Variants in SETDB2 observed in about 807,000 individuals in gnomAD.
The protein encoded by SETDB2 is histone-lysine N-methyltransferase SETDB2.
Under a neutral mutation model 82.5 loss-of-function variants are expected in SETDB2, and 56 were observed. The ratio of observed to expected loss-of-function variants is 0.68; its 90% CI spans 0.55 to 0.85. The LOEUF (loss-of-function observed/expected upper bound fraction) is 0.85, where lower values mean the gene tolerates loss of function less well. SETDB2 is among the 40% of genes least tolerant of loss of function. The pLI is 0.00. For synonymous variants in SETDB2, 272 were observed against 284.9 expected, an observed-to-expected ratio of 0.95 and a Z score of 0.46; for missense variants, 677 against 816.4, an observed-to-expected ratio of 0.83 and a Z score of 2.08.
intron 4 of SETDB2, among the ~76,000 whole-genome samples, chr13:49,465,938 G>A (rs1214060232): frequency 2.0e-5 from 3 of 152,144 alleles, no homozygotes; most frequent in Non-Finnish European, 4.4e-5. Flanking sequence ...CTTCTGGTGT[G>A]GGAGAAATGA....
At chr13:49,485,586 T>C (rs1594178204) in intron 10 of SETDB2, 44 bp from the exon 11 acceptor site, 1 of 1,508,324 alleles carries the variant, frequency 6.6e-7, no homozygotes, top group Non-Finnish European at 9.2e-7. Flanking sequence ...CTAAATACTT[T>C]TGCCTGACCT....
At chr13:49,481,141 T>G in intron 8 of SETDB2, 25 bp downstream of exon 8, 1 of 1,604,910 alleles carries the variant, frequency 6.2e-7, no homozygotes, top group Non-Finnish European at 8.5e-7. Context: ...TATTTTCAAA[T>G]TATTCTAGAG....
chr13:49,476,613 A>C lies in SETDB2; in HGVS notation c.443A>C (p.Lys148Thr). 1 of 1,614,156 alleles carries C rather than the reference A, an allele frequency of 6.2e-7. No homozygotes were observed. The highest frequency in any genetic ancestry group is 8.5e-7 in the Non-Finnish European group (1 of 1,180,038). ...ACLMKMPLNL[K>T]GENPLQLPIK... The stretch of plus-strand genomic sequence containing the variant: ...CTGATGAAAATGCCACTGAACTTGA[A>C]GGGAGAAAACCCTCTGCAGCTGCCA... Residue 148 changes from lysine to threonine, a missense_variant, in exon 6 of 14, where the codon AAG becomes ACG. Around this residue, in one of 3 missense-constraint regions of SETDB2, gnomAD observed 243 missense variants for 237.2 expected, o/e 1.02. Transcript: ENST00000611815.
intron 12 of SETDB2, among the ~76,000 whole-genome samples, chr13:49,490,103 C>G (rs1275506753): frequency 1.3e-5 from 2 of 150,370 alleles, no homozygotes; most frequent in Non-Finnish European, 3.0e-5. Flanking sequence ...ACGGCAAAAC[C>G]CCGTCACTAC....
In SETDB2 at chr13:49,491,724, C is replaced by T; in HGVS notation, c.2007-8C>T. 6.3e-7 allele frequency: 1 copy of T among 1,590,730 alleles called. No individual in the cohort carries two copies. On this transcript the variant is annotated splice_polypyrimidine_tract_variant and splice_region_variant and intron_variant, in intron 13 of 13. Coordinates refer to ENST00000611815, the MANE Select transcript of SETDB2 (RefSeq NM_001160308.3). ...TTTTATGATTCTTTTCAAATTTCTA[C>T]TTTCTAGGTATGTGAAAGCAAGAAC...
rs1019477926 is a variant in SETDB2 at position 49,491,834 on chromosome 13, A to G, written c.2109A>G (p.Arg703=). ...IFCQCGVNKC[R]KKIL is the part of the protein sequence containing the mutation. ...GCCAATGTGGGGTTAATAAATGTAG[A>G]AAAAAAATATTATAAATATGTAACT... The change falls in exon 14 of 14, where the codon AGA becomes AGG. Residue 703 remains arginine, a synonymous_variant. Coordinates refer to ENST00000611815, the MANE Select transcript of SETDB2 (RefSeq NM_001160308.3). The G allele has an allele frequency of 4.4e-6, 7 of 1,599,978 alleles. No homozygotes were observed. In the Admixed American group the frequency reaches 5.0e-5, roughly 11 times the overall value.
At chr13:49,460,438 TCTG>T (rs1302025602) in intron 3 of SETDB2, among the ~76,000 whole-genome samples, 2 of 152,276 alleles carry the variant, frequency 1.3e-5, no homozygotes, top group Non-Finnish European at 2.9e-5. Flanking sequence ...AAAAGTAACA[TCTG>T]CTCATTATAT....
chr13:49,488,744 C>G, intron 12 of SETDB2, 114 bp downstream of exon 12: 1 of 814,528 alleles, frequency 1.2e-6, no homozygotes, highest in Non-Finnish European at 1.9e-6. Context: ...GGTTAGAATT[C>G]CAGTCCTCCA....
At chr13:49,450,378 A>C (rs898546192) in intron 1 of SETDB2, among the ~76,000 whole-genome samples, 1 of 152,102 alleles carries the variant, frequency 6.6e-6, no homozygotes, top group Admixed American at 6.5e-5. Context: ...TCATTCAGTC[A>C]TCTATTGAGT....
chr13:49,475,514 T>A (rs1958337720), intron 5 of SETDB2, among the ~76,000 whole-genome samples: 1 of 151,538 alleles, frequency 6.6e-6, no homozygotes, highest in Admixed American at 6.6e-5. Context: ...TAAGACAGGA[T>A]CTCACTCTGT....
chr13:49,472,481 C>T (rs1958270553), intron 5 of SETDB2, among the ~76,000 whole-genome samples: 1 of 152,194 alleles, frequency 6.6e-6, no homozygotes, highest in Non-Finnish European at 1.5e-5. Flanking sequence ...GTGGACTTCT[C>T]CTTCTCACTA....
At position 49,494,998 on chromosome 13, in the gene SETDB2, A is replaced by G. The variant is rs1461660437; in HGVS notation, c.*3149A>G. 1 of 151,928 alleles carries G rather than the reference A, an allele frequency of 6.6e-6. No homozygotes were observed. The highest frequency in any genetic ancestry group is 2.4e-5 in the African/African-American group (1 of 41,346). The allele number at this position is 151,928 out of a possible 1,614,324, so 9.4% of individuals were successfully genotyped here. On this transcript the variant is annotated 3_prime_UTR_variant, in exon 14 of 14. Coordinates refer to ENST00000611815, the MANE Select transcript of SETDB2 (RefSeq NM_001160308.3). ...GCTAAATAAAGGCTTGCTACTGGCAACTGGATTTAGGATCGGCTAATTCTG... is the reference window on the plus strand; with the variant it reads ...GCTAAATAAAGGCTTGCTACTGGCAGCTGGATTTAGGATCGGCTAATTCTG...
intron 4 of SETDB2, among the ~76,000 whole-genome samples, chr13:49,465,735 C>T (rs1010072310): frequency 6.6e-6 from 1 of 152,132 alleles, no homozygotes; most frequent in Admixed American, 6.6e-5. Flanking sequence ...CAGGGTTTCA[C>T]TATGTTGGCC....
intron 2 of SETDB2, among the ~76,000 whole-genome samples, chr13:49,454,151 C>T (rs756465063): frequency 6.6e-6 from 1 of 151,998 alleles, no homozygotes; most frequent in Non-Finnish European, 1.5e-5. Context: ...GACTGGGCAC[C>T]GTGGCTTATA....
intron 4 of SETDB2, among the ~76,000 whole-genome samples, chr13:49,464,521 C>T (rs117596100): frequency 0.06 from 9,138 of 152,154 alleles, 353 homozygotes; most frequent in South Asian, 0.066. Context: ...TTCTGAAGAA[C>T]CTTTTTTTCC....
intron 5 of SETDB2, among the ~76,000 whole-genome samples, chr13:49,472,643 A>G (rs1226707467): frequency 6.6e-6 from 1 of 151,958 alleles, no homozygotes; most frequent in Non-Finnish European, 1.5e-5. Context: ...TAAAATTGGG[A>G]TGAAATTAGG....
intron 1 of SETDB2, among the ~76,000 whole-genome samples, chr13:49,449,689 C>T (rs1254844361): frequency 6.6e-6 from 1 of 152,136 alleles, no homozygotes; most frequent in Non-Finnish European, 1.5e-5. Context: ...CATGCTTCTA[C>T]TTTGCTTTCT....
chr13:49,471,009 G>A (rs868823841), intron 5 of SETDB2, among the ~76,000 whole-genome samples: 15 of 118,814 alleles, frequency 1.3e-4, no homozygotes, highest in South Asian at 5.3e-4. Flanking sequence ...TCACTGTCTC[G>A]CTGGGTGGAC....
chr13:49,491,909 AAAG>A lies in SETDB2; in HGVS notation c.*64_*66del, dbSNP rs764087759. 8.5e-7 allele frequency: 1 copy of A among 1,179,314 alleles called. No homozygotes were observed. The highest frequency in any genetic ancestry group is 1.3e-6 in the Non-Finnish European group (1 of 787,062). The allele number at this position is 1,179,314 out of a possible 1,614,324, so 73.1% of individuals were successfully genotyped here. On this transcript the variant is annotated 3_prime_UTR_variant, in exon 14 of 14. Coordinates refer to ENST00000611815, the MANE Select transcript of SETDB2 (RefSeq NM_001160308.3). Reference sequence around the variant, plus strand: ...ATCAGGCTGAAATTAAAGCCATGCAAAAGAAGGTCTAGGTCCATCAAGGAAATT... The same window carrying A: ...ATCAGGCTGAAATTAAAGCCATGCAAAAGGTCTAGGTCCATCAAGGAAATT...
Sources: gnomAD v4.1 joint callset for allele counts (sites outside exome capture counted in the v4.1 genomes callset) on GRCh38, gnomAD v4.1.1 for gene constraint, gnomAD v4.1.1 regional missense constraint, MANE v1.5 for transcripts, NCBI Gene and HGNC (gene_info 2026-07-23, HGNC 2026-07-21) for gene names.